Variants in ACTR3C observed in about 807,000 individuals in gnomAD.
ACTR3C encodes the protein actin related protein 3C.
Under a neutral mutation model 26.3 loss-of-function variants are expected in ACTR3C, and 18 were observed. The ratio of observed to expected loss-of-function variants is 0.68; its 90% confidence interval spans 0.47 to 1.01. ACTR3C has a LOEUF of 1.01. Ranked by LOEUF, ACTR3C falls within the 50% of genes least tolerant of loss-of-function variation. The pLI, the probability that ACTR3C is intolerant of heterozygous loss-of-function variation, is 0.00. For missense variants in ACTR3C, 184 were observed against 250.7 expected (o/e 0.73, Z 1.80); for synonymous variants, 55 against 94.5 (o/e 0.58, Z 2.42).
chr7:149,915,879 T>G, the ACTR3C span, among the ~76,000 whole-genome samples: 1,891 of 146,744 alleles, frequency 0.013, 47 homozygotes, highest in African/African-American at 0.044. Flanking sequence ...CTGGAAACAC[T>G]CAAAATAGAG....
At chr7:150,263,259 T>A (rs1260556812) in intron 6 of ACTR3C, among the ~76,000 whole-genome samples, 6 of 152,180 alleles carry the variant, frequency 3.9e-5, no homozygotes, top group African/African-American at 1.4e-4. Context: ...GGGGCCAAGA[T>A]GTTCTGTGAG....
chr7:149,947,882 T>A, the ACTR3C span, among the ~76,000 whole-genome samples: 11,488 of 144,314 alleles, frequency 0.08, 1,825 homozygotes, highest in African/African-American at 0.32. Context: ...CTCATCGTGC[T>A]CTGCCTCCTG....
chr7:150,159,997 G>A, the ACTR3C span, among the ~76,000 whole-genome samples: 2 of 152,076 alleles, frequency 1.3e-5, no homozygotes, highest in Non-Finnish European at 2.9e-5. Context: ...GTTTCACCAT[G>A]TTGGCCAGGC....
At chr7:149,912,868 TAA>T in the ACTR3C span, among the ~76,000 whole-genome samples, 3 of 152,238 alleles carry the variant, frequency 2.0e-5, 1 homozygote, top group Non-Finnish European at 4.4e-5. Context: ...ACGTTATTTT[TAA>T]AAACACTGGC....
At chr7:150,040,061 C>T in the ACTR3C span, among the ~76,000 whole-genome samples, 1 of 138,084 alleles carries the variant, frequency 7.2e-6, no homozygotes, top group African/African-American at 3.1e-5. Context: ...GCGGGGGGTG[C>T]CTCCCCCCAC....
chr7:150,262,558 T>C (rs1298002623), intron 6 of ACTR3C, among the ~76,000 whole-genome samples: 1 of 152,254 alleles, frequency 6.6e-6, no homozygotes, highest in Non-Finnish European at 1.5e-5. Context: ...TGAAATGAGA[T>C]TTTAGGCACA....
the ACTR3C span, among the ~76,000 whole-genome samples, chr7:150,132,377 C>T: frequency 6.6e-6 from 1 of 152,048 alleles, no homozygotes; most frequent in African/African-American, 2.4e-5. Context: ...GTCTGATATC[C>T]ACAATCTACA....
chr7:150,315,491 G>C (rs1405997757), intron 1 of ACTR3C, among the ~76,000 whole-genome samples: 1 of 152,160 alleles, frequency 6.6e-6, no homozygotes, highest in East Asian at 1.9e-4. Flanking sequence ...ACATGCTCAG[G>C]ATGGAAGAAG....
the ACTR3C span, among the ~76,000 whole-genome samples, chr7:150,191,862 G>T: frequency 6.6e-6 from 1 of 152,188 alleles, no homozygotes; most frequent in Non-Finnish European, 1.5e-5. Flanking sequence ...GCTGTAACTT[G>T]TTTATAGAAA....
the ACTR3C span, among the ~76,000 whole-genome samples, chr7:150,018,171 G>A: frequency 6.0e-5 from 9 of 150,114 alleles, no homozygotes; most frequent in Non-Finnish European, 8.8e-5. Context: ...ACAGTGCTGC[G>A]ATCTCAGCTC....
the ACTR3C span, among the ~76,000 whole-genome samples, chr7:149,906,419 T>C: frequency 0.099 from 410 of 4,142 alleles, 13 homozygotes; most frequent in African/African-American, 0.12. Context: ...TTTCTTTTTT[T>C]TTTTTTTTTT....
the ACTR3C span, among the ~76,000 whole-genome samples, chr7:150,073,243 G>A: frequency 1.0e-3 from 155 of 152,258 alleles, no homozygotes; most frequent in African/African-American, 2.8e-3. Flanking sequence ...TCAGGAAGCC[G>A]CATGTTCCCA....
the ACTR3C span, among the ~76,000 whole-genome samples, chr7:149,921,617 T>C: frequency 6.6e-5 from 10 of 152,192 alleles, no homozygotes; most frequent in African/African-American, 2.2e-4. Context: ...TGGCTCACAC[T>C]AGTAATCCCA....
At chr7:150,239,463 T>A (rs1057015596), downstream of ACTR3C, among the ~76,000 whole-genome samples, 1 of 134,716 alleles carries the variant, frequency 7.4e-6, no homozygotes, top group South Asian at 2.3e-4. Flanking sequence ...ACTCCACACA[T>A]TGAAGCACTA....
the ACTR3C span, among the ~76,000 whole-genome samples, chr7:149,882,413 C>G: frequency 6.6e-6 from 1 of 152,210 alleles, no homozygotes; most frequent in Admixed American, 6.5e-5. Flanking sequence ...TCCTGGAGAG[C>G]TGCTCGCTGC....
the ACTR3C span, among the ~76,000 whole-genome samples, chr7:150,159,032 ACACT>A: frequency 3.5e-4 from 25 of 71,332 alleles, no homozygotes; most frequent in Middle Eastern, 5.8e-3. Flanking sequence ...TCAGGCACAC[ACACT>A]CAGGCACACA....
At chr7:149,908,771 C>G in the ACTR3C span, among the ~76,000 whole-genome samples, 3 of 150,616 alleles carry the variant, frequency 2.0e-5, no homozygotes, top group South Asian at 6.5e-4. Flanking sequence ...ATAGATAGTT[C>G]CAGGGAATCC....
chr7:150,094,757 T>C, the ACTR3C span, among the ~76,000 whole-genome samples: 1 of 150,796 alleles, frequency 6.6e-6, no homozygotes, highest in South Asian at 2.1e-4. Flanking sequence ...GCCTAGGAAG[T>C]GCTGGCTGAG....
chr7:150,223,690 A>G, the ACTR3C span, among the ~76,000 whole-genome samples: 2 of 152,116 alleles, frequency 1.3e-5, no homozygotes, highest in Non-Finnish European at 1.5e-5. Flanking sequence ...AAAGTCAAAA[A>G]ATTGTAAATC....
Sources: gnomAD v4.1 joint callset for allele counts (sites outside exome capture counted in the v4.1 genomes callset) on GRCh38, gnomAD v4.1.1 for gene constraint, MANE v1.5 for transcripts, NCBI Gene and HGNC (gene_info 2026-07-23, HGNC 2026-07-21) for gene names.